The following DOCK3 variants were observed in gnomAD, a reference collection of about 807,000 sequenced individuals.
DOCK3 encodes the protein dedicator of cytokinesis protein 3.
In DOCK3, 60 loss-of-function variants were observed where a neutral mutation model predicts 265.6. The ratio of observed to expected loss-of-function variants is 0.23; its 90% CI spans 0.18 to 0.28. The LOEUF (loss-of-function observed/expected upper bound fraction) is 0.28, where lower values mean the gene tolerates loss of function less well. Among genes scored for constraint, DOCK3 ranks in the 10% least tolerant of loss-of-function variants. DOCK3 has a pLI of 1.00. For synonymous variants in DOCK3, 881 were observed against 938.0 expected, an observed-to-expected ratio of 0.94 and a Z score of 1.11; for missense variants, 1,981 against 2,594.3, an observed-to-expected ratio of 0.76 and a Z score of 5.14.
chr3:51,103,787 A>C (rs1310091950), intron 9 of DOCK3, among the ~76,000 whole-genome samples: 1 of 152,160 alleles, frequency 6.6e-6, no homozygotes, highest in South Asian at 2.1e-4. Flanking sequence ...TTCCTGAGCT[A>C]TGTTTGTGCT....
At chr3:51,238,702 A>G (rs1222533433) in intron 21 of DOCK3, among the ~76,000 whole-genome samples, 1 of 152,158 alleles carries the variant, frequency 6.6e-6, no homozygotes, top group African/African-American at 2.4e-5. Context: ...AAGTGAGAAC[A>G]TGTGGTATTT....
chr3:50,771,376 C>G (rs759227316), intron 1 of DOCK3, among the ~76,000 whole-genome samples: 1 of 152,114 alleles, frequency 6.6e-6, no homozygotes, highest in African/African-American at 2.4e-5. Context: ...CAGAGAAATA[C>G]AAATGAGACC....
rs376124407 is a variant in DOCK3 at position 50,999,946 on chromosome 3, G to A, written c.316-64502G>A. Among the ~76,000 whole-genome samples the A allele has an allele frequency of 9.2e-5, 14 of 152,230 alleles. No homozygotes were observed. In the South Asian group the frequency reaches 1.0e-3, roughly 11 times the overall value. On this transcript the variant is annotated intron_variant, in intron 5 of 52. Transcript: ENST00000266037. ...AAACGACACCCAAGAAAAGTAAATA[G>A]CACTCCCTTTCTTTGTAGATTGGCC...
At chr3:50,767,976 A>T (rs1008958435) in intron 1 of DOCK3, among the ~76,000 whole-genome samples, 3 of 152,158 alleles carry the variant, frequency 2.0e-5, no homozygotes, top group Non-Finnish European at 4.4e-5. Context: ...ATATCCTGAG[A>T]CTTTGCTGAA....
intron 9 of DOCK3, among the ~76,000 whole-genome samples, chr3:51,137,897 G>A (rs2084877365): frequency 6.6e-6 from 1 of 152,214 alleles, no homozygotes; most frequent in African/African-American, 2.4e-5. Flanking sequence ...ATATAGAGGT[G>A]TGAGTGTTTA....
At chr3:51,061,293 C>G (rs974474933) in intron 5 of DOCK3, among the ~76,000 whole-genome samples, 3 of 152,122 alleles carry the variant, frequency 2.0e-5, no homozygotes, top group African/African-American at 7.2e-5. Context: ...TTCACAATAG[C>G]AAAGACTTGG....
intron 5 of DOCK3, among the ~76,000 whole-genome samples, chr3:50,988,206 G>A (rs533055698): frequency 6.6e-6 from 1 of 152,130 alleles, no homozygotes; most frequent in Admixed American, 6.5e-5. Flanking sequence ...GCTTTGGAGA[G>A]TCTGAGCTCC....
At chr3:51,159,068 A>G (rs916596015) in intron 10 of DOCK3, among the ~76,000 whole-genome samples, 176 bp from the exon 11 acceptor site, 2 of 152,240 alleles carry the variant, frequency 1.3e-5, no homozygotes, top group Admixed American at 6.5e-5. Flanking sequence ...CCAAAGCCAT[A>G]TAAGATATCC....
At chr3:50,707,519 T>C (rs925812678) in intron 1 of DOCK3, among the ~76,000 whole-genome samples, 2 of 152,194 alleles carry the variant, frequency 1.3e-5, no homozygotes, top group Admixed American at 6.5e-5. Flanking sequence ...TATGATTTCT[T>C]TGGCTGTAAT....
intron 40 of DOCK3, among the ~76,000 whole-genome samples, chr3:51,350,830 C>G (rs1231309642): frequency 6.6e-6 from 1 of 152,212 alleles, no homozygotes; most frequent in African/African-American, 2.4e-5. Context: ...CCTGGCTGCA[C>G]TGTAGCCTGT....
At chr3:51,151,053 C>A (rs532047978) in intron 10 of DOCK3, among the ~76,000 whole-genome samples, 3 of 152,066 alleles carry the variant, frequency 2.0e-5, no homozygotes, top group African/African-American at 2.4e-5. Context: ...ATTCATTTAC[C>A]ATTATGTAAT....
intron 9 of DOCK3, among the ~76,000 whole-genome samples, chr3:51,130,099 A>G (rs1301899600): frequency 6.6e-6 from 1 of 152,250 alleles, no homozygotes; most frequent in Non-Finnish European, 1.5e-5. Context: ...CTGGACTCCT[A>G]GAAATTTTAC....
chr3:50,912,925 G>A (rs2049935583), intron 4 of DOCK3, among the ~76,000 whole-genome samples: 1 of 152,056 alleles, frequency 6.6e-6, no homozygotes, highest in Non-Finnish European at 1.5e-5. Flanking sequence ...GCCCCTAGAG[G>A]CTGCTTTGTT....
chr3:51,269,871 T>C (rs2080406482), intron 23 of DOCK3, among the ~76,000 whole-genome samples: 1 of 152,164 alleles, frequency 6.6e-6, no homozygotes, highest in Admixed American at 6.5e-5. Context: ...AAGACATAAG[T>C]AATAGCATCA....
rs749801965 is a variant in DOCK3 at position 51,356,241 on chromosome 3, G to A, written c.4402G>A (p.Glu1468Lys). The A allele has an allele frequency of 1.4e-5, 23 of 1,608,068 alleles. No individual in the cohort carries two copies. The highest frequency in any genetic ancestry group is 1.7e-5 in the Non-Finnish European group (20 of 1,178,770). Residue 1468 changes from glutamate (E) to lysine (K), a missense_variant, in exon 42 of 53, where the codon GAG (glutamate) becomes AAG (lysine). Around this residue, in one of 4 missense-constraint regions of DOCK3, gnomAD observed 1,357 missense variants for 1,866.8 expected, o/e 0.73. Coordinates refer to ENST00000266037, the MANE Select transcript of DOCK3 (RefSeq NM_004947.5). ...RPFHKGPKDK[E>K]NEFKSLWIER... The stretch of plus-strand genomic sequence containing the variant: ...TTTTCACAAAGGCCCCAAGGACAAG[G>A]AGAATGAATTCAAGGTGAACAAATC...
intron 6 of DOCK3, among the ~76,000 whole-genome samples, chr3:51,068,356 C>T (rs1451658002): frequency 6.6e-6 from 1 of 151,538 alleles, no homozygotes; most frequent in African/African-American, 2.4e-5. Flanking sequence ...CTGGCTAACA[C>T]GGTGAAACCC....
chr3:50,871,312 T>C (rs1217662232), intron 3 of DOCK3, among the ~76,000 whole-genome samples: 9 of 151,880 alleles, frequency 5.9e-5, no homozygotes, highest in African/African-American at 2.2e-4. Flanking sequence ...TTTTTTTTTT[T>C]CTTCAGCACT....
intron 22 of DOCK3, among the ~76,000 whole-genome samples, chr3:51,255,339 T>C (rs2079487227): frequency 6.6e-6 from 1 of 152,210 alleles, no homozygotes; most frequent in African/African-American, 2.4e-5. Flanking sequence ...CTGACAGTTA[T>C]GTGTCTTGGA....
At chr3:51,019,948 A>T (rs752588154) in intron 5 of DOCK3, among the ~76,000 whole-genome samples, 15 of 151,800 alleles carry the variant, frequency 9.9e-5, no homozygotes, top group Non-Finnish European at 1.6e-4. Flanking sequence ...ATATGTGCGC[A>T]TGTGTCTTTA....
Sources: allele counts gnomAD v4.1 joint callset (sites outside exome capture counted in the v4.1 genomes callset), GRCh38; gene constraint gnomAD v4.1.1; regional missense constraint gnomAD v4.1.1; transcripts MANE v1.5; gene names NCBI Gene and HGNC (gene_info 2026-07-23, HGNC 2026-07-21).